Variants in KALRN observed in about 807,000 individuals in gnomAD.
KALRN encodes the protein kalirin RhoGEF kinase.
KALRN carries 70 observed loss-of-function variants against 353.7 expected under a neutral mutation model. The observed-to-expected ratio is 0.20, with a 90% CI of 0.16 to 0.24. The LOEUF (loss-of-function observed/expected upper bound fraction) is 0.24, where lower values mean the gene tolerates loss of function less well. KALRN is among the 10% of genes least tolerant of loss of function. KALRN has a pLI of 1.00. For synonymous variants in KALRN, 1,391 were observed against 1,434.8 expected (o/e 0.97, Z 0.69); for missense variants, 2,791 against 3,756.7 (o/e 0.74, Z 6.72).
chr3:124,481,056 C>T (rs2061935932), intron 27 of KALRN, among the ~76,000 whole-genome samples: 1 of 152,106 alleles, frequency 6.6e-6, no homozygotes. Context: ...AACTTCATAT[C>T]TATACACCTG....
chr3:124,701,388 C>CTTTT (rs1399269729), intron 56 of KALRN, among the ~76,000 whole-genome samples: 8 of 99,296 alleles, frequency 8.1e-5, no homozygotes, highest in Admixed American at 3.6e-4. Context: ...TTCTTTCTTT[C>CTTTT]TTTTTTTTTT....
chr3:124,570,473 A>G (rs1212262169), intron 34 of KALRN, among the ~76,000 whole-genome samples: 1 of 152,198 alleles, frequency 6.6e-6, no homozygotes, highest in African/African-American at 2.4e-5. Context: ...GGGTGAGAAC[A>G]GGTTTCCACA....
chr3:124,188,965 C>T (rs1277350633), intron 1 of KALRN, among the ~76,000 whole-genome samples: 1 of 152,170 alleles, frequency 6.6e-6, no homozygotes, highest in Admixed American at 6.5e-5. Context: ...CCAGTTTTTA[C>T]AAGAGGCTAC....
intron 34 of KALRN, among the ~76,000 whole-genome samples, chr3:124,595,494 A>G (rs2076188068): frequency 6.6e-6 from 1 of 152,184 alleles, no homozygotes; most frequent in African/African-American, 2.4e-5. Flanking sequence ...TATCATGTAA[A>G]TGTGATTTGT....
intron 1 of KALRN, among the ~76,000 whole-genome samples, 185 bp from the exon 2 acceptor site, chr3:124,227,805 C>T (rs1275079904): frequency 6.7e-6 from 1 of 149,610 alleles, no homozygotes; most frequent in Admixed American, 6.8e-5. Flanking sequence ...ACCCCTATGG[C>T]TGGCATGATG....
At chr3:124,154,604 A>T in intron 1 of KALRN, among the ~76,000 whole-genome samples, 1 of 152,258 alleles carries the variant, frequency 6.6e-6, no homozygotes, top group East Asian at 1.9e-4. Flanking sequence ...GCTCAATGAA[A>T]TAAAAGAGGA....
chr3:124,201,576 C>T (rs188678941), intron 1 of KALRN, among the ~76,000 whole-genome samples: 100 of 152,254 alleles, frequency 6.6e-4, no homozygotes, highest in African/African-American at 2.3e-3. Context: ...ATGCTGTTCT[C>T]GTCAAAAAAC....
intron 3 of KALRN, among the ~76,000 whole-genome samples, chr3:124,239,978 A>G (rs945902686): frequency 3.3e-5 from 5 of 152,234 alleles, no homozygotes; most frequent in African/African-American, 1.2e-4. Context: ...ACATTTCCCT[A>G]AAACATACCT....
At chr3:124,456,962 T>G (rs1457615847) in intron 23 of KALRN, among the ~76,000 whole-genome samples, 1 of 152,228 alleles carries the variant, frequency 6.6e-6, no homozygotes, top group Non-Finnish European at 1.5e-5. Flanking sequence ...AGACAAACCC[T>G]TCCTCATAGA....
intron 34 of KALRN, among the ~76,000 whole-genome samples, chr3:124,588,999 A>G (rs990566840): frequency 1.3e-5 from 2 of 152,172 alleles, no homozygotes; most frequent in African/African-American, 4.8e-5. Context: ...GGGGAGGTGC[A>G]GGGATTGGTT....
chr3:124,106,171 G>A (rs1181368259), intron 1 of KALRN, among the ~76,000 whole-genome samples: 1 of 152,204 alleles, frequency 6.6e-6, no homozygotes, highest in Non-Finnish European at 1.5e-5. Flanking sequence ...GGAAGTGGTA[G>A]ACTGGAGGAG....
intron 16 of KALRN, among the ~76,000 whole-genome samples, chr3:124,433,047 C>T (rs1560923172): frequency 6.6e-6 from 1 of 152,102 alleles, no homozygotes; most frequent in Non-Finnish European, 1.5e-5. Flanking sequence ...CTAGGTTCTC[C>T]ATCAGAAGGA....
At chr3:124,581,391 C>CAA (rs5852421) in intron 34 of KALRN, among the ~76,000 whole-genome samples, 6,702 of 137,378 alleles carry the variant, frequency 0.049, 187 homozygotes, top group East Asian at 0.075. Flanking sequence ...AGACTCTGCT[C>CAA]AAAAAAAAAA....
At chr3:124,573,526 G>A (rs1315617398) in intron 34 of KALRN, among the ~76,000 whole-genome samples, 2 of 152,052 alleles carry the variant, frequency 1.3e-5, no homozygotes, top group Admixed American at 1.3e-4. Flanking sequence ...TTACCAGACA[G>A]GGTCTCACTC....
chr3:124,549,706 G>C (rs2109523662), intron 33 of KALRN, among the ~76,000 whole-genome samples: 1 of 152,206 alleles, frequency 6.6e-6, no homozygotes, highest in Non-Finnish European at 1.5e-5. Flanking sequence ...TCCCAGGAAG[G>C]GGACATCACT....
intron 33 of KALRN, among the ~76,000 whole-genome samples, chr3:124,532,816 GA>G (rs1577772802): frequency 6.6e-6 from 1 of 150,964 alleles, no homozygotes; most frequent in African/African-American, 2.4e-5. Flanking sequence ...CAAAACAAAA[GA>G]AAAAAACTGT....
At chr3:124,486,216 C>G (rs1225160981) in intron 28 of KALRN, among the ~76,000 whole-genome samples, 11 of 152,130 alleles carry the variant, frequency 7.2e-5, no homozygotes, top group African/African-American at 2.4e-4. Flanking sequence ...ATTGGCCCAG[C>G]TGGTAGATTG....
At chr3:124,230,839 C>T (rs1019365469) in intron 2 of KALRN, among the ~76,000 whole-genome samples, 1 of 94,984 alleles carries the variant, frequency 1.1e-5, no homozygotes, top group Non-Finnish European at 2.3e-5. Context: ...CAAAACAAAA[C>T]AAAAAAACCC....
rs369351105 is a variant in KALRN at position 124,422,765 on chromosome 3, T to C, written c.2543-47T>C. 5.2e-6 allele frequency: 8 copies of C among 1,529,604 alleles called. No individual in the cohort carries two copies. The African/African-American group carries it at 9.6e-5, about 18-fold the overall frequency. The allele number at this position is 1,529,604 out of a possible 1,614,324, so 94.8% of individuals were successfully genotyped here. A position where few individuals can be genotyped will look rare whatever the true frequency, so the allele number is the denominator to read the frequency against. On this transcript the variant is annotated intron_variant, in intron 14 of 59. Coordinates refer to ENST00000682506, the MANE Select transcript of KALRN (RefSeq NM_001388419.1). Reference sequence around the variant, plus strand: ...ATGCATATTGAAGGGAATGTAGCCTTCACAGTACTAGCTGGTTTTTAATTG... The same window carrying C: ...ATGCATATTGAAGGGAATGTAGCCTCCACAGTACTAGCTGGTTTTTAATTG...
Sources: gnomAD v4.1 joint callset for allele counts (sites outside exome capture counted in the v4.1 genomes callset) on GRCh38, gnomAD v4.1.1 for gene constraint, MANE v1.5 for transcripts, NCBI Gene and HGNC (gene_info 2026-07-23, HGNC 2026-07-21) for gene names.